Variants in PPRC1 observed in about 807,000 individuals in gnomAD.
PPRC1 encodes PPARG related coactivator 1, also known as peroxisome proliferator-activated receptor gamma coactivator-related protein 1.
Under a neutral mutation model 132.5 loss-of-function variants are expected in PPRC1, and 23 were observed. The observed-to-expected ratio is 0.17, with a 90% CI of 0.12 to 0.25. PPRC1 has a LOEUF of 0.25. Among genes scored for constraint, PPRC1 ranks in the 10% least tolerant of loss-of-function variants. The pLI, the probability that PPRC1 is intolerant of heterozygous loss-of-function variation, is 1.00. For missense variants in PPRC1, 2,006 were observed against 2,089.1 expected (o/e 0.96, Z 0.78); for synonymous variants, 872 against 833.5 (o/e 1.05, Z -0.80).
rs2069266953 is a variant in PPRC1, at chr10:102,146,841, C to G, written c.3849C>G (p.Val1283=). The G allele has an allele frequency of 1.2e-6, 2 of 1,614,078 alleles. No homozygotes were observed. Among genetic ancestry groups the G allele is most frequent in the African/African-American group, 2.7e-5 (2 of 75,000 alleles). Residue 1283 remains valine (V), a synonymous_variant, in exon 9 of 14, where the codon GTC becomes GTG. Coordinates refer to ENST00000278070, the MANE Select transcript of PPRC1 (RefSeq NM_015062.5). ...HPAAVRLQEG[V]HGPSRVHVGS... ...CTGCAGTTCGCCTCCAAGAAGGGGT[C>G]CATGGCCCTAGTCGAGTCCATGTGG...
intron 9 of PPRC1, 53 bp downstream of exon 9, chr10:102,147,445 C>A: frequency 6.6e-7 from 1 of 1,522,252 alleles, no homozygotes; most frequent in African/African-American, 1.4e-5. Context: ...TCACGTACTT[C>A]TGTGGTTTAC....
Position 102,141,223 on chromosome 10 carries a change from T to G in PPRC1, c.2715T>G (p.Ser905=), listed in dbSNP as rs773015907. 3.0e-5 allele frequency: 49 copies of G among 1,613,938 alleles called. 1 individual carries two copies. In the Middle Eastern group the frequency reaches 3.5e-3, roughly 114 times the overall value. Residue 905 remains serine (S), a synonymous_variant, in exon 5 of 14, where the codon TCT becomes TCG. Transcript: ENST00000278070. ...PPLQPPSLPL[S]MGPVLPDPFT... is the part of the protein sequence containing the mutation. ...TGCAGCCTCCTAGTCTTCCATTGTC[T>G]ATGGGGCCAGTACTACCTGATCCGT...
rs949221625 is a variant in PPRC1 at position 102,150,169 on chromosome 10, T to A, written c.*140T>A. ...ATGGAAAAAAGTGAAATAAAAAATA[T>A]GTTGAATCAGATTTTTTAAAAGGGG... is the stretch of plus-strand genomic sequence containing the variant. On this transcript the variant is annotated 3_prime_UTR_variant, in exon 14 of 14. Transcript: ENST00000278070. 1 of 637,612 alleles carries A rather than the reference T, an allele frequency of 1.6e-6. No homozygotes were observed. Among genetic ancestry groups the A allele is most frequent in the East Asian group, 2.8e-5 (1 of 35,292 alleles). 39.5% of individuals were successfully genotyped at this position (637,612 alleles called of 1,614,324 possible).
rs141225100 is a variant in PPRC1, at chr10:102,138,543, T to C, written c.343-76T>C. The C allele has an allele frequency of 7.9e-5, 120 of 1,523,522 alleles. No individual in the cohort carries two copies. The African/African-American group carries it at 1.5e-3, about 19-fold the overall frequency. 94.4% of individuals were successfully genotyped at this position (1,523,522 alleles called of 1,614,324 possible). On this transcript the variant is annotated intron_variant, in intron 2 of 13. Transcript: ENST00000278070. Reference sequence around the variant, plus strand: ...AGTTGAACCTGGGAGACTGATTCTCTCGATATCCAGTCCTTAGTGGCATAG... The same window carrying C: ...AGTTGAACCTGGGAGACTGATTCTCCCGATATCCAGTCCTTAGTGGCATAG...
At chr10:102,143,609 A>T (rs2069094336) in intron 6 of PPRC1, among the ~76,000 whole-genome samples, 1 of 151,990 alleles carries the variant, frequency 6.6e-6, no homozygotes, top group Admixed American at 6.6e-5. Flanking sequence ...AAAAAAAAAA[A>T]AAAAAAAAAA....
the PPRC1 span, chr10:102,120,274 G>A: frequency 1.1e-5 from 11 of 983,800 alleles, no homozygotes; most frequent in African/African-American, 1.8e-4. Flanking sequence ...TGCGGCGAGG[G>A]GCCTGTCAGG....
the PPRC1 span, among the ~76,000 whole-genome samples, chr10:102,125,956 G>A: frequency 5.3e-5 from 8 of 150,862 alleles, no homozygotes; most frequent in South Asian, 2.1e-4. Flanking sequence ...TCCGCCTCCC[G>A]GGTTCAAGCA....
upstream of PPRC1, among the ~76,000 whole-genome samples, chr10:102,128,722 C>G (rs542762255): frequency 8.0e-5 from 12 of 149,792 alleles, no homozygotes; most frequent in African/African-American, 2.9e-4. Context: ...ACCTGCCATT[C>G]TCCTGCCTCA....
intron 8 of PPRC1, 40 bp downstream of exon 8, chr10:102,145,130 T>C (rs1191159752): frequency 7.1e-6 from 11 of 1,550,742 alleles, no homozygotes; most frequent in Non-Finnish European, 9.8e-6. Flanking sequence ...GATTAGTCTA[T>C]GCAGCAACAC....
At position 102,140,659 on chromosome 10, in the gene PPRC1, C is replaced by G. The variant is rs1368419662; in HGVS notation, c.2151C>G (p.Asp717Glu). Residue 717 changes from aspartate (D) to glutamate (E), a missense_variant, in exon 5 of 14, where the codon GAC (aspartate) becomes GAG (glutamate). By Grantham distance (45) the Asp-to-Glu change is conservative (BLOSUM62 2). Around this residue, in one of 2 missense-constraint regions of PPRC1, gnomAD observed 1,914 missense variants for 1,917.2 expected, o/e 1.00. Coordinates refer to ENST00000278070, the MANE Select transcript of PPRC1 (RefSeq NM_015062.5). ...PQLLVESESL[D>E]PPKTIIPEVK... ...TCCTCGTGGAGTCAGAGTCCTTGGA[C>G]CCACCAAAGACCATCATCCCTGAAG... The G allele has an allele frequency of 3.7e-6, 6 of 1,614,068 alleles. No individual in the cohort carries two copies. The highest frequency in any genetic ancestry group is 4.2e-6 in the Non-Finnish European group (5 of 1,180,032).
rs1260841225 is a variant in PPRC1, at chr10:102,141,497, G to C, written c.2989G>C (p.Val997Leu). Residue 997 changes from valine to leucine, a missense_variant, in exon 5 of 14, where the codon GTT becomes CTT. This residue lies in a region of PPRC1 where 1,914 missense variants were observed against 1,917.2 expected (regional missense o/e 1.00). Coordinates refer to ENST00000278070, the MANE Select transcript of PPRC1 (RefSeq NM_015062.5). ...GPQHAPFWST[V>L]PPPPLPPASI... The stretch of plus-strand genomic sequence containing the variant: ...TCAACATGCTCCATTCTGGTCTACT[G>C]TTCCCCCACCTCCTTTGCCTCCAGC... The C allele has an allele frequency of 6.2e-7, 1 of 1,613,802 alleles. No individual in the cohort carries two copies. The highest frequency in any genetic ancestry group is 1.1e-5 in the South Asian group (1 of 91,074).
In PPRC1 at chr10:102,147,167, C is replaced by T. The variant is rs1273824903; in HGVS notation, c.4175C>T (p.Pro1392Leu). Reference protein sequence around the residue: ...PCRNDMNTRTPPEPSAKQRSM... With the variant: ...PCRNDMNTRTLPEPSAKQRSM... The stretch of plus-strand genomic sequence containing the variant: ...CGGAATGACATGAACACTAGGACTC[C>T]CCCTGAACCCTCAGCCAAGCAGCGG... Residue 1392 changes from proline to leucine, a missense_variant, in exon 9 of 14, where the codon CCC becomes CTC. Coordinates refer to ENST00000278070, the MANE Select transcript of PPRC1 (RefSeq NM_015062.5). 5 of 1,614,196 alleles carry T rather than the reference C, an allele frequency of 3.1e-6. No individual in the cohort carries two copies. The highest frequency in any genetic ancestry group is 3.3e-5 in the Admixed American group (2 of 60,034).
At chr10:102,125,130 T>C in the PPRC1 span, among the ~76,000 whole-genome samples, 1 of 151,962 alleles carries the variant, frequency 6.6e-6, no homozygotes, top group South Asian at 2.1e-4. Flanking sequence ...TCTCGCTCTG[T>C]CACCAGGCTG....
At chr10:102,122,126 C>A in the PPRC1 span, among the ~76,000 whole-genome samples, 1 of 152,010 alleles carries the variant, frequency 6.6e-6, no homozygotes, top group Admixed American at 6.6e-5. Flanking sequence ...GAGGACCTGA[C>A]TGAAGCCATC....
chr10:102,146,932 A>G lies in PPRC1; in HGVS notation c.3940A>G (p.Ile1314Val). Reference protein sequence around the residue: ...TPPKKMPALVIPEVGSRWNVK... With the variant: ...TPPKKMPALVVPEVGSRWNVK... ...CCCAAAAAAGATGCCTGCCCTAGTCATTCCAGAGGTGGGCTCCCGATGGAA... is the reference window on the plus strand; with the variant it reads ...CCCAAAAAAGATGCCTGCCCTAGTCGTTCCAGAGGTGGGCTCCCGATGGAA... Residue 1314 changes from isoleucine (I) to valine (V), a missense_variant, in exon 9 of 14, where the codon ATT (isoleucine) becomes GTT (valine). Transcript: ENST00000278070. 6.2e-7 allele frequency: 1 copy of G among 1,614,108 alleles called. No homozygotes were observed. The highest frequency in any genetic ancestry group is 8.5e-7 in the Non-Finnish European group (1 of 1,180,018).
chr10:102,143,449 A>G (rs2069084784), intron 6 of PPRC1, among the ~76,000 whole-genome samples: 2 of 152,046 alleles, frequency 1.3e-5, no homozygotes, highest in Non-Finnish European at 2.9e-5. Flanking sequence ...AAATACAAAA[A>G]TTAGCTGGGC....
rs764671716 is a variant in PPRC1 at position 102,141,404 on chromosome 10, C to G, written c.2896C>G (p.Pro966Ala). Residue 966 changes from proline (P) to alanine (A), a missense_variant, in exon 5 of 14, where the codon CCT (proline) becomes GCT (alanine). Physicochemically the swap from Pro to Ala is conservative, Grantham distance 27. Coordinates refer to ENST00000278070, the MANE Select transcript of PPRC1 (RefSeq NM_015062.5). ...CACTTGCAGTGTGCCTTGGGCACCCCCTCCTGCCCCAGTCTCACCTTACAG... is the reference window on the plus strand; with the variant it reads ...CACTTGCAGTGTGCCTTGGGCACCCGCTCCTGCCCCAGTCTCACCTTACAG... ...PPTCSVPWAP[P>A]PAPVSPYSST... The G allele has an allele frequency of 3.1e-6, 5 of 1,613,888 alleles. No individual in the cohort carries two copies. The highest frequency in any genetic ancestry group is 2.7e-5 in the African/African-American group (2 of 74,906).
chr10:102,145,048 C>T lies in PPRC1; in HGVS notation c.3637C>T (p.Pro1213Ser). 1 of 1,613,770 alleles carries T rather than the reference C, an allele frequency of 6.2e-7. No homozygotes were observed. Among genetic ancestry groups the T allele is most frequent in the South Asian group, 1.1e-5 (1 of 91,060 alleles). ...GGVDIPQEKR[P>S]LDRLQAPELA... ...CGTTGACATTCCCCAGGAGAAGAGGCCCCTAGACCGGTTACAAGCCCCAGA... is the reference window on the plus strand; with the variant it reads ...CGTTGACATTCCCCAGGAGAAGAGGTCCCTAGACCGGTTACAAGCCCCAGA... The change falls in exon 8 of 14, where the codon CCC becomes TCC. Residue 1213 changes from proline (P) to serine (S), a missense_variant. Coordinates refer to ENST00000278070, the MANE Select transcript of PPRC1 (RefSeq NM_015062.5).
At chr10:102,143,675 T>G (rs1048238068) in intron 6 of PPRC1, among the ~76,000 whole-genome samples, 2 of 151,632 alleles carry the variant, frequency 1.3e-5, no homozygotes, top group East Asian at 3.9e-4. Context: ...GAAGTAGCTT[T>G]CAGGCTGGGC....
Sources: allele counts gnomAD v4.1 joint callset (sites outside exome capture counted in the v4.1 genomes callset), GRCh38; gene constraint gnomAD v4.1.1; regional missense constraint gnomAD v4.1.1; transcripts MANE v1.5; gene names NCBI Gene and HGNC (gene_info 2026-07-23, HGNC 2026-07-21).